UBE4B: variants seen among roughly 807,000 people sequenced by gnomAD.
UBE4B encodes ubiquitination factor E4B.
In UBE4B, 27 loss-of-function variants were observed where a neutral mutation model predicts 148.1. That is an observed-to-expected ratio of 0.18 (90% CI 0.13 to 0.25). The LOEUF (loss-of-function observed/expected upper bound fraction) is 0.25. Ranked by LOEUF, UBE4B falls within the 10% of genes least tolerant of loss-of-function variation. UBE4B has a pLI of 1.00. For synonymous variants in UBE4B, 596 were observed against 619.3 expected (o/e 0.96, Z 0.56); for missense variants, 1,170 against 1,662.4 (o/e 0.70, Z 5.15).
chr1:10,099,782 A>C (rs914800507), intron 3 of UBE4B, among the ~76,000 whole-genome samples: 2 of 152,156 alleles, frequency 1.3e-5, no homozygotes, highest in Admixed American at 6.6e-5. Flanking sequence ...GTCTAACAGA[A>C]CAGTAATGAG....
intron 9 of UBE4B, among the ~76,000 whole-genome samples, chr1:10,121,073 CAT>C (rs1480927814): frequency 6.6e-6 from 1 of 152,050 alleles, no homozygotes; most frequent in Non-Finnish European, 1.5e-5. Flanking sequence ...CATAAAGAAA[CAT>C]ATAATACGGC....
chr1:10,056,655 A>T (rs535119444), intron 1 of UBE4B, among the ~76,000 whole-genome samples: 6 of 152,316 alleles, frequency 3.9e-5, no homozygotes, highest in African/African-American at 1.2e-4. Flanking sequence ...TAAATGGGGA[A>T]ATCGAGGCTC....
intron 1 of UBE4B, among the ~76,000 whole-genome samples, chr1:10,053,592 G>T (rs1570786835): frequency 6.6e-6 from 1 of 152,086 alleles, no homozygotes; most frequent in African/African-American, 2.4e-5. Flanking sequence ...GTGGTTTGCT[G>T]CACCTATCAA....
intron 20 of UBE4B, among the ~76,000 whole-genome samples, chr1:10,150,850 G>T (rs1197955156): frequency 6.6e-5 from 8 of 121,090 alleles, no homozygotes; most frequent in Non-Finnish European, 1.4e-4. Flanking sequence ...ACACAGCGAG[G>T]CTCCATCTCA....
chr1:10,169,704 G>A (rs1421229107), intron 24 of UBE4B, among the ~76,000 whole-genome samples: 4 of 152,184 alleles, frequency 2.6e-5, no homozygotes, highest in Non-Finnish European at 4.4e-5. Context: ...AAGACTAAGC[G>A]AAAACACACA....
intron 1 of UBE4B, among the ~76,000 whole-genome samples, chr1:10,045,947 G>A (rs1346320170): frequency 6.6e-6 from 1 of 152,226 alleles, no homozygotes; most frequent in Non-Finnish European, 1.5e-5. Context: ...CCAGATAGAT[G>A]TTTATTTCTC....
intron 21 of UBE4B, among the ~76,000 whole-genome samples, chr1:10,152,121 C>A (rs1207048372): frequency 6.6e-6 from 1 of 151,756 alleles, no homozygotes; most frequent in South Asian, 2.1e-4. Context: ...ATTAAATTAG[C>A]CGGGCATGGT....
At chr1:10,137,473 C>T (rs1645708592) in intron 17 of UBE4B, among the ~76,000 whole-genome samples, 1 of 152,066 alleles carries the variant, frequency 6.6e-6, no homozygotes. Flanking sequence ...TTAACTTTTC[C>T]CACTGGGCAT....
At chr1:10,078,520 A>G (rs964434274) in intron 2 of UBE4B, among the ~76,000 whole-genome samples, 1 of 152,080 alleles carries the variant, frequency 6.6e-6, no homozygotes, top group Non-Finnish European at 1.5e-5. Context: ...TTCTTCCCCT[A>G]TCTTTAGATG....
chr1:10,055,090 T>C (rs1198216167), intron 1 of UBE4B, among the ~76,000 whole-genome samples: 2 of 152,102 alleles, frequency 1.3e-5, no homozygotes, highest in Non-Finnish European at 2.9e-5. Context: ...CCGGCGTGTT[T>C]TTACTTTGAA....
In UBE4B at chr1:10,103,626, G is replaced by GT. The variant is rs1279924321; in HGVS notation, c.580+539dup. On this transcript the variant is annotated intron_variant, in intron 5 of 27. Transcript: ENST00000343090. ...TTTTGTAGTTTTTTTTGTTTGTTTT[G>GT]TTTTTGTTTTTTTTTTTTTTTTTGA... 1.8e-3 allele frequency among the ~76,000 whole-genome samples: 210 copies of GT among 117,076 alleles called. 2 individuals carry two copies. Among genetic ancestry groups the GT allele is most frequent in the African/African-American group, 3.7e-3 (117 of 31,452 alleles). 76.8% of individuals were successfully genotyped at this position (117,076 alleles called of 152,430 possible). A position where few individuals can be genotyped will look rare whatever the true frequency, so the allele number is the denominator to read the frequency against.
intron 7 of UBE4B, chr1:10,107,125 T>C (rs1383121402): frequency 8.6e-7 from 1 of 1,164,988 alleles, no homozygotes; most frequent in East Asian, 5.7e-5. Flanking sequence ...AAAGTTTTAG[T>C]GTATGGTTTA....
intron 2 of UBE4B, among the ~76,000 whole-genome samples, chr1:10,078,222 T>C (rs1477028955): frequency 6.6e-6 from 1 of 152,168 alleles, no homozygotes; most frequent in Non-Finnish European, 1.5e-5. Flanking sequence ...TTGGCCAGGC[T>C]GGTCTCAAAC....
chr1:10,149,978 A>AAAAT (rs970822811), intron 20 of UBE4B, among the ~76,000 whole-genome samples: 29 of 152,206 alleles, frequency 1.9e-4, no homozygotes, highest in African/African-American at 6.5e-4. Context: ...ATCTCTTTAA[A>AAAAT]AAATAAATAA....
chr1:10,099,972 T>A (rs907010010), intron 3 of UBE4B, among the ~76,000 whole-genome samples: 3 of 152,142 alleles, frequency 2.0e-5, no homozygotes, highest in Non-Finnish European at 4.4e-5. Flanking sequence ...TTTTATTTTC[T>A]TAATTAAATT....
intron 10 of UBE4B, among the ~76,000 whole-genome samples, chr1:10,123,666 T>C (rs1645446369): frequency 1.3e-5 from 2 of 152,076 alleles, no homozygotes; most frequent in African/African-American, 4.8e-5. Context: ...CTCTGGGTGT[T>C]TTTTGTTTGT....
intron 25 of UBE4B, 103 bp downstream of exon 25, chr1:10,171,432 T>G (rs1646336997): frequency 7.2e-7 from 1 of 1,380,262 alleles, no homozygotes; most frequent in East Asian, 2.3e-5. Flanking sequence ...GATGAGTGGG[T>G]TGTTTTCCTT....
chr1:10,171,039 A>T, intron 24 of UBE4B, 99 bp from the exon 25 acceptor site: 1 of 1,296,672 alleles, frequency 7.7e-7, no homozygotes, highest in Non-Finnish European at 1.1e-6. Context: ...TTTGAAGATT[A>T]ATCCAACCAA....
At chr1:10,084,238 T>C (rs1320226722) in intron 2 of UBE4B, among the ~76,000 whole-genome samples, 1 of 152,220 alleles carries the variant, frequency 6.6e-6, no homozygotes, top group East Asian at 1.9e-4. Flanking sequence ...TTCTATACCA[T>C]GTGTTCCTGT....
Sources: allele counts gnomAD v4.1 joint callset (sites outside exome capture counted in the v4.1 genomes callset), GRCh38; gene constraint gnomAD v4.1.1; transcripts MANE v1.5; gene names NCBI Gene and HGNC (gene_info 2026-07-23, HGNC 2026-07-21).